PLCL2: variants seen among roughly 807,000 people sequenced by gnomAD.
PLCL2 encodes inactive phospholipase C-like protein 2.
PLCL2 carries 4 observed loss-of-function variants against 79.6 expected under a neutral mutation model. The ratio of observed to expected loss-of-function variants is 0.05; its 90% confidence interval spans 0.02 to 0.11. PLCL2 has a LOEUF of 0.11. PLCL2 is among the 10% of genes least tolerant of loss of function. The pLI is 1.00. For missense variants in PLCL2, 895 were observed against 1,291.0 expected (o/e 0.69, Z 4.70); for synonymous variants, 484 against 457.7 (o/e 1.06, Z -0.73).
chr3:16,906,468 CTTGTA>C (rs1357239141), intron 1 of PLCL2, among the ~76,000 whole-genome samples: 1 of 151,942 alleles, frequency 6.6e-6, no homozygotes, highest in African/African-American at 2.4e-5. Context: ...ATATAGATTT[CTTGTA>C]TTGTTAATTT....
At chr3:16,981,005 G>A (rs1001613527) in intron 1 of PLCL2, among the ~76,000 whole-genome samples, 31 of 152,354 alleles carry the variant, frequency 2.0e-4, no homozygotes, top group Admixed American at 1.2e-3. Context: ...GCGTGGTGGC[G>A]CGCGCCTGCA....
chr3:17,045,587 G>A (rs888367253), intron 4 of PLCL2, among the ~76,000 whole-genome samples: 7 of 152,200 alleles, frequency 4.6e-5, no homozygotes, highest in African/African-American at 9.6e-5. Context: ...TCGGAGATGC[G>A]CAGTTGGAGG....
intron 1 of PLCL2, among the ~76,000 whole-genome samples, chr3:16,996,304 G>A (rs1023309065): frequency 9.2e-5 from 14 of 152,126 alleles, no homozygotes; most frequent in Middle Eastern, 3.4e-3. Flanking sequence ...AGGCCTTCCC[G>A]TAGGCGAGAC....
intron 1 of PLCL2, among the ~76,000 whole-genome samples, chr3:16,976,410 A>T (rs1315125740): frequency 6.6e-6 from 1 of 152,200 alleles, no homozygotes; most frequent in Non-Finnish European, 1.5e-5. Context: ...TCTGTATTTC[A>T]TCTGGAGGCA....
chr3:17,022,012 A>G (rs1434740040), intron 3 of PLCL2, among the ~76,000 whole-genome samples: 3 of 152,118 alleles, frequency 2.0e-5, no homozygotes, highest in East Asian at 3.9e-4. Flanking sequence ...ATCACCACCT[A>G]GAGAACTGTT....
At chr3:17,057,942 C>T (rs1447187214) in intron 4 of PLCL2, among the ~76,000 whole-genome samples, 4 of 152,188 alleles carry the variant, frequency 2.6e-5, no homozygotes, top group Non-Finnish European at 4.4e-5. Context: ...CACAGAAAAA[C>T]GGGATATGGA....
chr3:16,933,792 G>A (rs1430832057), intron 1 of PLCL2, among the ~76,000 whole-genome samples: 2 of 152,054 alleles, frequency 1.3e-5, no homozygotes, highest in Non-Finnish European at 2.9e-5. Flanking sequence ...GAATATTTAG[G>A]TGTGGTGGCT....
At chr3:16,979,867 G>A (rs1231905986) in intron 1 of PLCL2, among the ~76,000 whole-genome samples, 1 of 150,638 alleles carries the variant, frequency 6.6e-6, no homozygotes, top group Non-Finnish European at 1.5e-5. Flanking sequence ...CCTCCCAGAC[G>A]GGGTGGTGGC....
intron 1 of PLCL2, among the ~76,000 whole-genome samples, chr3:16,980,808 C>G (rs2063984734): frequency 6.6e-6 from 1 of 152,074 alleles, no homozygotes; most frequent in Admixed American, 6.6e-5. Context: ...AGGTTGTAGC[C>G]AGCCAAGATC....
intron 4 of PLCL2, among the ~76,000 whole-genome samples, chr3:17,052,261 G>T (rs1346064231): frequency 4.0e-5 from 6 of 150,490 alleles, no homozygotes; most frequent in Non-Finnish European, 7.4e-5. Context: ...AAATTGGGGG[G>T]GGGTGAAGGT....
At chr3:16,979,977 C>A (rs2063966244) in intron 1 of PLCL2, among the ~76,000 whole-genome samples, 1 of 143,892 alleles carries the variant, frequency 6.9e-6, no homozygotes. Flanking sequence ...CTGACCCCCC[C>A]AACCTCCCTC....
At chr3:16,897,784 C>G (rs1696517872) in intron 1 of PLCL2, among the ~76,000 whole-genome samples, 1 of 152,174 alleles carries the variant, frequency 6.6e-6, no homozygotes, top group East Asian at 1.9e-4. Context: ...TTTCCTCTTG[C>G]CATGCTGACC....
At chr3:17,044,907 G>A (rs1015409949) in intron 4 of PLCL2, among the ~76,000 whole-genome samples, 1 of 152,156 alleles carries the variant, frequency 6.6e-6, no homozygotes, top group African/African-American at 2.4e-5. Flanking sequence ...ATCTATTAGG[G>A]ATTTTGATTA....
chr3:17,077,250 T>C (rs1159376885), intron 5 of PLCL2, among the ~76,000 whole-genome samples: 1 of 152,228 alleles, frequency 6.6e-6, no homozygotes, highest in East Asian at 1.9e-4. Flanking sequence ...GGTTTTCTAA[T>C]TGTATGCCAG....
chr3:16,973,450 T>G (rs1182218936), intron 1 of PLCL2, among the ~76,000 whole-genome samples: 2 of 152,134 alleles, frequency 1.3e-5, no homozygotes, highest in East Asian at 3.9e-4. Context: ...TTCTCTGCAT[T>G]TCCTGCATTT....
At chr3:17,063,794 T>C (rs2064981164) in intron 4 of PLCL2, among the ~76,000 whole-genome samples, 1 of 152,216 alleles carries the variant, frequency 6.6e-6, no homozygotes, top group African/African-American at 2.4e-5. Context: ...TTCCCAACAC[T>C]GGGTCATGCT....
intron 4 of PLCL2, among the ~76,000 whole-genome samples, chr3:17,059,450 G>GTGTGTATATATATATACACT (rs149375146): frequency 0.18 from 26,232 of 147,070 alleles, 2,837 homozygotes; most frequent in East Asian, 0.53. Context: ...ATGTGTGTGT[G>GTGTGTATATATATATACACT]TGTATATATA....
chr3:16,923,086 C>T (rs533179654), intron 1 of PLCL2, among the ~76,000 whole-genome samples: 2 of 152,308 alleles, frequency 1.3e-5, no homozygotes, highest in South Asian at 4.1e-4. Context: ...AAGCTCGGCT[C>T]CCCCACAACC....
chr3:17,082,816 G>A, intron 5 of PLCL2, among the ~76,000 whole-genome samples: 1 of 151,780 alleles, frequency 6.6e-6, no homozygotes, highest in East Asian at 1.9e-4. Context: ...GGAAACCAAA[G>A]AACAATATAG....
Sources: gnomAD v4.1 joint callset for allele counts (sites outside exome capture counted in the v4.1 genomes callset) on GRCh38, gnomAD v4.1.1 for gene constraint, MANE v1.5 for transcripts, NCBI Gene and HGNC (gene_info 2026-07-23, HGNC 2026-07-21) for gene names.